FANCC: variants seen among roughly 807,000 people sequenced by gnomAD.
The protein encoded by FANCC is Fanconi anemia group C protein.
A neutral mutation model predicts 71.3 loss-of-function variants in FANCC; 55 were observed. The observed-to-expected ratio is 0.77, with a 90% CI of 0.62 to 0.97. FANCC has a LOEUF of 0.97. Ranked by LOEUF, FANCC falls within the 50% of genes least tolerant of loss-of-function variation. FANCC has a pLI of 0.00. For synonymous variants in FANCC, 275 were observed against 244.9 expected (o/e 1.12, Z -1.15); for missense variants, 678 against 670.9 (o/e 1.01, Z -0.12).
intron 10 of FANCC, among the ~76,000 whole-genome samples, chr9:95,121,243 G>C (rs924778790): frequency 1.3e-5 from 2 of 152,184 alleles, no homozygotes; most frequent in Non-Finnish European, 2.9e-5. Flanking sequence ...CTTAGAAAAA[G>C]TGGCTTGTCA....
chr9:95,292,432 C>A (rs1834094456), intron 1 of FANCC: 2 of 1,126,614 alleles, frequency 1.8e-6, no homozygotes, highest in Admixed American at 5.0e-5. Flanking sequence ...GCCTCCGCCG[C>A]CGCCTCGGGC....
chr9:95,217,518 C>T (rs148421395), intron 4 of FANCC, among the ~76,000 whole-genome samples: 295 of 151,638 alleles, frequency 1.9e-3, no homozygotes, highest in African/African-American at 6.6e-3. Flanking sequence ...TTCTAAATAA[C>T]CAATGGTCAA....
At chr9:95,256,701 T>C (rs1003835188) in intron 1 of FANCC, among the ~76,000 whole-genome samples, 5 of 152,046 alleles carry the variant, frequency 3.3e-5, no homozygotes, top group African/African-American at 4.8e-5. Flanking sequence ...TAACCGTAAA[T>C]GTAAACGGGC....
At chr9:95,143,829 A>G (rs1036247665) in intron 7 of FANCC, among the ~76,000 whole-genome samples, 4 of 152,220 alleles carry the variant, frequency 2.6e-5, no homozygotes, top group Non-Finnish European at 5.9e-5. Flanking sequence ...GCAGGTGCCT[A>G]TGACGGCAGC....
chr9:95,254,338 T>C (rs949713974), intron 1 of FANCC, among the ~76,000 whole-genome samples: 2 of 152,240 alleles, frequency 1.3e-5, no homozygotes, highest in African/African-American at 4.8e-5. Context: ...ACAGGATCAA[T>C]GCAGAAGGCA....
At chr9:95,215,383 G>C (rs1378417693) in intron 4 of FANCC, among the ~76,000 whole-genome samples, 1 of 152,064 alleles carries the variant, frequency 6.6e-6, no homozygotes, top group African/African-American at 2.4e-5. Flanking sequence ...ATGGAGAGAG[G>C]GAGATAGGGA....
chr9:95,264,315 A>G (rs1285770371), intron 1 of FANCC, among the ~76,000 whole-genome samples: 14 of 152,232 alleles, frequency 9.2e-5, no homozygotes, highest in Non-Finnish European at 1.0e-4. Context: ...TATGGAAAAT[A>G]AATACATAAA....
intron 1 of FANCC, among the ~76,000 whole-genome samples, chr9:95,273,220 T>C (rs565469117): frequency 1.2e-4 from 18 of 152,302 alleles, no homozygotes; most frequent in African/African-American, 3.4e-4. Flanking sequence ...GAGGAAGACA[T>C]TGACTGACTG....
chr9:95,270,821 G>A (rs1832672167), intron 1 of FANCC, among the ~76,000 whole-genome samples: 1 of 152,196 alleles, frequency 6.6e-6, no homozygotes, highest in African/African-American at 2.4e-5. Context: ...AATATAAAAT[G>A]CCACAATGTT....
chr9:95,205,763 T>G (rs543796529), intron 4 of FANCC, among the ~76,000 whole-genome samples: 29 of 151,984 alleles, frequency 1.9e-4, no homozygotes, highest in African/African-American at 6.5e-4. Context: ...ACTAAGATCA[T>G]AAAAGCTTCA....
At chr9:95,102,051 G>A (rs1247407461) in intron 14 of FANCC, among the ~76,000 whole-genome samples, 1 of 152,184 alleles carries the variant, frequency 6.6e-6, no homozygotes. Context: ...GCTACACAGT[G>A]AGCGGTGCCA....
At chr9:95,142,235 C>T (rs1355439943) in intron 7 of FANCC, among the ~76,000 whole-genome samples, 1 of 151,994 alleles carries the variant, frequency 6.6e-6, no homozygotes, top group Non-Finnish European at 1.5e-5. Context: ...TCAGGTGATC[C>T]ACCTGCCTCA....
chr9:95,235,844 CAAAAAAAAAAAA>C (rs10666439), intron 4 of FANCC, among the ~76,000 whole-genome samples: 1 of 36,226 alleles, frequency 2.8e-5, no homozygotes, highest in Non-Finnish European at 4.4e-5. Flanking sequence ...AACTCCACCT[CAAAAAAAAAAAA>C]AAAAAAAAAA....
chr9:95,311,744 T>TGTGTGTGTGA (rs371454385), intron 1 of FANCC, among the ~76,000 whole-genome samples: 6 of 150,992 alleles, frequency 4.0e-5, no homozygotes, highest in African/African-American at 1.2e-4. Flanking sequence ...TGTGTGTGTG[T>TGTGTGTGTGA]GAAAAACCGC....
At chr9:95,145,679 C>T (rs929747714) in intron 7 of FANCC, among the ~76,000 whole-genome samples, 1 of 152,094 alleles carries the variant, frequency 6.6e-6, no homozygotes, top group Non-Finnish European at 1.5e-5. Context: ...TACTGCCGCA[C>T]GCACATGCAA....
chr9:95,143,316 T>G (rs1423785708), intron 7 of FANCC, among the ~76,000 whole-genome samples: 1 of 152,136 alleles, frequency 6.6e-6, no homozygotes, highest in African/African-American at 2.4e-5. Flanking sequence ...TTTAGGTTTT[T>G]TATGGAGGTC....
At chr9:95,135,064 ATAC>A (rs1217065308) in intron 8 of FANCC, among the ~76,000 whole-genome samples, 1 of 152,254 alleles carries the variant, frequency 6.6e-6, no homozygotes, top group Non-Finnish European at 1.5e-5. Context: ...GAAATAAGAA[ATAC>A]TGTTTTTAAA....
At chr9:95,163,591 T>C (rs1220424865) in intron 6 of FANCC, among the ~76,000 whole-genome samples, 2 of 152,244 alleles carry the variant, frequency 1.3e-5, no homozygotes, top group Non-Finnish European at 2.9e-5. Context: ...GGCTTACACC[T>C]GTAATCCCAG....
At chr9:95,119,645 T>C (rs906428078) in intron 10 of FANCC, among the ~76,000 whole-genome samples, 2 of 152,224 alleles carry the variant, frequency 1.3e-5, no homozygotes, top group African/African-American at 4.8e-5. Flanking sequence ...ATTACAGGCA[T>C]GAGCCACCGT....
Sources: gnomAD v4.1 joint callset for allele counts (sites outside exome capture counted in the v4.1 genomes callset) on GRCh38, gnomAD v4.1.1 for gene constraint, MANE v1.5 for transcripts, NCBI Gene and HGNC (gene_info 2026-07-23, HGNC 2026-07-21) for gene names.